PLS1: variants seen among roughly 807,000 people sequenced by gnomAD.
The protein encoded by PLS1 is plastin 1.
Under a neutral mutation model 73.7 loss-of-function variants are expected in PLS1, and 32 were observed. The ratio of observed to expected loss-of-function variants is 0.43; its 90% CI spans 0.33 to 0.58. PLS1 has a LOEUF of 0.58. Ranked by LOEUF, PLS1 falls within the 20% of genes least tolerant of loss-of-function variation. PLS1 has a pLI of 0.04. For synonymous variants in PLS1, 217 were observed against 261.3 expected, an observed-to-expected ratio of 0.83 and a Z score of 1.63; for missense variants, 633 against 740.5, an observed-to-expected ratio of 0.85 and a Z score of 1.68.
rs777028055 is a variant in PLS1, at chr3:142,689,829, C to A, written c.1177+16C>A. ...TTACTGGAAGGTGCGTTCTTTCTGC[C>A]TTTAATTGACTTGCTATATTTATCT... On this transcript the variant is annotated intron_variant, in intron 10 of 15. Coordinates refer to ENST00000457734, the MANE Select transcript of PLS1 (RefSeq NM_001145319.2). 2.9e-5 allele frequency: 42 copies of A among 1,466,658 alleles called. No homozygotes were observed. The highest frequency in any genetic ancestry group is 3.6e-5 in the Non-Finnish European group (39 of 1,072,210). 90.9% of individuals were successfully genotyped at this position (1,466,658 alleles called of 1,614,324 possible).
At chr3:142,703,748 T>C (rs191036554) in intron 12 of PLS1, 120 bp from the exon 13 acceptor site, 302 of 609,366 alleles carry the variant, frequency 5.0e-4, no homozygotes, top group African/African-American at 4.7e-3. Flanking sequence ...TATTATGAAA[T>C]TGGTCATATA....
chr3:142,613,736 G>A (rs2036164143), intron 1 of PLS1, among the ~76,000 whole-genome samples: 1 of 152,128 alleles, frequency 6.6e-6, no homozygotes, highest in Non-Finnish European at 1.5e-5. Context: ...CCAGCTCATT[G>A]TACATGCAAA....
At chr3:142,634,826 G>A (rs1013848528) in intron 1 of PLS1, among the ~76,000 whole-genome samples, 3 of 147,684 alleles carry the variant, frequency 2.0e-5, no homozygotes, top group Admixed American at 1.3e-4. Flanking sequence ...ATTTCTTATT[G>A]TTTAAGTCAT....
intron 4 of PLS1, among the ~76,000 whole-genome samples, chr3:142,672,986 A>G (rs1187140868): frequency 1.2e-4 from 18 of 152,160 alleles, no homozygotes; most frequent in Non-Finnish European, 4.4e-5. Context: ...AAATTTGCCT[A>G]TTCTGGAAGT....
chr3:142,689,770 G>A lies in PLS1; in HGVS notation c.1134G>A (p.Leu378=). ...ATTTGTTTAACACATACCCGTGCCT[G>A]CACAAGCCGAATAATAATGACATCG... ...VANLFNTYPC[L]HKPNNNDIDM... The change falls in exon 10 of 16, where the codon CTG becomes CTA. Residue 378 remains leucine, a synonymous_variant. Transcript: ENST00000457734. 6.2e-7 allele frequency: 1 copy of A among 1,600,782 alleles called. No individual in the cohort carries two copies. The highest frequency in any genetic ancestry group is 1.7e-5 in the Admixed American group (1 of 57,332).
intron 1 of PLS1, among the ~76,000 whole-genome samples, chr3:142,632,338 C>T (rs1322260739): frequency 6.6e-6 from 1 of 152,072 alleles, no homozygotes; most frequent in East Asian, 1.9e-4. Context: ...CATCTGTATT[C>T]ATAAGAGAAA....
chr3:142,703,140 C>T (rs2038365296), intron 12 of PLS1, among the ~76,000 whole-genome samples: 1 of 152,108 alleles, frequency 6.6e-6, no homozygotes, highest in Admixed American at 6.6e-5. Context: ...AAGTTAGATT[C>T]TTAATAAAAC....
At chr3:142,660,618 C>G (rs916764390) in intron 1 of PLS1, among the ~76,000 whole-genome samples, 1 of 152,148 alleles carries the variant, frequency 6.6e-6, no homozygotes, top group East Asian at 1.9e-4. Flanking sequence ...AACTTCCACA[C>G]CATTGTGAAG....
intron 6 of PLS1, among the ~76,000 whole-genome samples, chr3:142,682,218 G>C (rs930063072): frequency 3.9e-5 from 6 of 152,150 alleles, no homozygotes; most frequent in African/African-American, 1.4e-4. Context: ...GGATTTTAAG[G>C]TGAGGAGGTC....
intron 1 of PLS1, among the ~76,000 whole-genome samples, chr3:142,613,737 T>C (rs2036164189): frequency 6.6e-6 from 1 of 152,192 alleles, no homozygotes; most frequent in Non-Finnish European, 1.5e-5. Flanking sequence ...CAGCTCATTG[T>C]ACATGCAAAT....
chr3:142,645,910 G>A (rs953059768), intron 1 of PLS1, among the ~76,000 whole-genome samples: 4 of 152,048 alleles, frequency 2.6e-5, no homozygotes, highest in Admixed American at 2.0e-4. Context: ...GTTCTGTACC[G>A]ACAAGTCAGG....
At chr3:142,683,261 T>C (rs1213836648) in intron 6 of PLS1, among the ~76,000 whole-genome samples, 2 of 152,076 alleles carry the variant, frequency 1.3e-5, no homozygotes, top group Non-Finnish European at 2.9e-5. Flanking sequence ...TCCCAGCACT[T>C]TGGGAGGCCG....
chr3:142,706,866 T>G (rs951816922), intron 14 of PLS1, among the ~76,000 whole-genome samples: 6 of 152,052 alleles, frequency 3.9e-5, no homozygotes, highest in Non-Finnish European at 8.8e-5. Context: ...CTAATAGAAA[T>G]GAGGATGTCA....
chr3:142,686,356 A>G lies in PLS1; in HGVS notation c.961A>G (p.Ile321Val). ...KGGEDGPAIA[I>V]DLSGINETND... ...TGGGGAAGATGGACCTGCCATTGCCATTGACCTTTCAGGAATTAATGTGAG... is the reference window on the plus strand; with the variant it reads ...TGGGGAAGATGGACCTGCCATTGCCGTTGACCTTTCAGGAATTAATGTGAG... Residue 321 changes from isoleucine to valine, a missense_variant, in exon 9 of 16, where the codon ATT becomes GTT. Transcript: ENST00000457734. 6.2e-7 allele frequency: 1 copy of G among 1,605,744 alleles called. No homozygotes were observed. The highest frequency in any genetic ancestry group is 8.5e-7 in the Non-Finnish European group (1 of 1,172,396).
intron 15 of PLS1, 34 bp downstream of exon 15, chr3:142,711,659 C>A (rs1933134793): frequency 6.5e-7 from 1 of 1,538,378 alleles, no homozygotes; most frequent in Non-Finnish European, 8.8e-7. Context: ...CAATACATGG[C>A]CCTTTAATTC....
intron 1 of PLS1, among the ~76,000 whole-genome samples, chr3:142,600,946 C>T (rs1159298881): frequency 1.0e-3 from 37 of 36,554 alleles, no homozygotes; most frequent in African/African-American, 4.2e-3. Context: ...TTTTTTGAGA[C>T]GGAGTCTCGC....
At chr3:142,679,334 A>G (rs1318158334) in intron 6 of PLS1, among the ~76,000 whole-genome samples, 6 of 150,098 alleles carry the variant, frequency 4.0e-5, no homozygotes, top group Non-Finnish European at 7.5e-5. Context: ...TGTTTTAGAC[A>G]TGAAGTCCTT....
chr3:142,654,403 TG>T (rs2037171751), intron 1 of PLS1, among the ~76,000 whole-genome samples: 1 of 152,226 alleles, frequency 6.6e-6, no homozygotes, highest in Non-Finnish European at 1.5e-5. Flanking sequence ...TGGAATGCAA[TG>T]GCACAATCAT....
intron 1 of PLS1, among the ~76,000 whole-genome samples, chr3:142,658,476 CAAAA>C (rs56710799): frequency 3.0e-5 from 3 of 99,454 alleles, no homozygotes; most frequent in South Asian, 6.2e-4. Flanking sequence ...ACTTTGTCTC[CAAAA>C]AAAAAAAAAA....
Sources: gnomAD v4.1 joint callset for allele counts (sites outside exome capture counted in the v4.1 genomes callset) on GRCh38, gnomAD v4.1.1 for gene constraint, MANE v1.5 for transcripts, NCBI Gene and HGNC (gene_info 2026-07-23, HGNC 2026-07-21) for gene names.